Variants in ARHGAP40 observed in about 807,000 individuals in gnomAD.
The protein encoded by ARHGAP40 is rho GTPase-activating protein 40.
Under a neutral mutation model 73.5 loss-of-function variants are expected in ARHGAP40, and 43 were observed. The ratio of observed to expected loss-of-function variants is 0.58; its 90% CI spans 0.46 to 0.75. The LOEUF is 0.75. Ranked by LOEUF, ARHGAP40 falls within the 30% of genes least tolerant of loss-of-function variation. The probability of loss-of-function intolerance (pLI) is 0.00; values close to 1 mark genes in which losing one functional copy is unlikely to be tolerated. For missense variants in ARHGAP40, 734 were observed against 861.8 expected, an observed-to-expected ratio of 0.85 and a Z score of 1.86; for synonymous variants, 300 against 352.8, an observed-to-expected ratio of 0.85 and a Z score of 1.68.
chr20:38,637,349 A>G (rs2088981546), intron 6 of ARHGAP40, among the ~76,000 whole-genome samples: 1 of 152,072 alleles, frequency 6.6e-6, no homozygotes, highest in Non-Finnish European at 1.5e-5. Context: ...GGGTTTCGCC[A>G]TGTTGGCCAG....
chr20:38,648,317 G>C (rs901133880), intron 13 of ARHGAP40, among the ~76,000 whole-genome samples: 4 of 152,202 alleles, frequency 2.6e-5, no homozygotes, highest in Non-Finnish European at 4.4e-5. Context: ...CTCACAGCAG[G>C]CTCCTGTCCC....
rs538772862 is a variant in ARHGAP40 at position 38,643,023 on chromosome 20, C to T, written c.1363-681C>T. ...GGGTGTGATGGTGCACACTTGTAAT[C>T]CCAGCTACTTGGGAGGCTGAGGTGG... On this transcript the variant is annotated intron_variant, in intron 10 of 14. Coordinates refer to ENST00000373345, the Ensembl canonical transcript of ARHGAP40. 1.2e-3 allele frequency among the ~76,000 whole-genome samples: 184 copies of T among 152,156 alleles called. 1 individual carries two copies. The highest frequency in any genetic ancestry group is 4.3e-3 in the African/African-American group (178 of 41,512).
In ARHGAP40 at chr20:38,640,458, G is replaced by A. The variant is rs564701429; in HGVS notation, c.1279+1072G>A. The stretch of plus-strand genomic sequence containing the variant: ...GCTAGTGTCAAACTCCTGGCCTCAA[G>A]CGATCCTCCCACTTTGGCCTCCCAA... On this transcript the variant is annotated intron_variant, in intron 9 of 14. Coordinates refer to ENST00000373345, the Ensembl canonical transcript of ARHGAP40. 2.0e-4 allele frequency among the ~76,000 whole-genome samples: 31 copies of A among 152,202 alleles called. No individual in the cohort carries two copies. In the South Asian group the frequency reaches 2.1e-3, roughly 10 times the overall value.
At chr20:38,637,714 G>T in exon 7 of ARHGAP40, 1 of 1,305,176 alleles carries the variant, frequency 7.7e-7, no homozygotes, top group Non-Finnish European at 1.0e-6. Flanking sequence ...GCAGAAACTC[G>T]CCTCTTTGGT....
At chr20:38,639,960 T>C (rs1399487032) in intron 9 of ARHGAP40, among the ~76,000 whole-genome samples, 3 of 152,180 alleles carry the variant, frequency 2.0e-5, no homozygotes, top group Admixed American at 6.5e-5. Context: ...TCCCTGTCTC[T>C]CTGAATTCTC....
chr20:38,627,253 T>C (rs2088903902), intron 3 of ARHGAP40, 38 bp downstream of exon 3: 1 of 1,294,440 alleles, frequency 7.7e-7, no homozygotes, highest in African/African-American at 1.5e-5. Flanking sequence ...CCCGTCTGAC[T>C]GGGATCTCTG....
In ARHGAP40 at chr20:38,603,407, G is replaced by GTCTA. The variant is rs71330431; in HGVS notation, c.137+1382_137+1385dup. On this transcript the variant is annotated intron_variant, in intron 1 of 14. Transcript: ENST00000373345. Reference sequence around the variant, plus strand: ...AAGCCAAAGACAAGTTTGTTTATCTGTCTATCTATCTATCTATCTATCTAT... The same window carrying GTCTA: ...AAGCCAAAGACAAGTTTGTTTATCTGTCTATCTATCTATCTATCTATCTATCTAT... 6.3e-3 allele frequency among the ~76,000 whole-genome samples: 810 copies of GTCTA among 129,562 alleles called. 5 individuals are homozygous for GTCTA. The highest frequency in any genetic ancestry group is 0.01 in the African/African-American group (394 of 38,870). The allele number at this position is 129,562 out of a possible 152,430, so 85.0% of individuals were successfully genotyped here.
intron 1 of ARHGAP40, among the ~76,000 whole-genome samples, chr20:38,613,219 T>C (rs548118107): frequency 2.6e-5 from 4 of 152,186 alleles, no homozygotes; most frequent in Non-Finnish European, 5.9e-5. Flanking sequence ...CAGATGGAGA[T>C]TGGTAGATCC....
In ARHGAP40 at chr20:38,607,449, AC is replaced by A. The variant is rs146381704; in HGVS notation, c.137+5371del. Reference sequence around the variant, plus strand: ...TTGCAGGAAAAAGTCCTTGCAAACCACTTTCCTCCAGGGCTCTCCAGCAGGA... The same window carrying A: ...TTGCAGGAAAAAGTCCTTGCAAACCATTTCCTCCAGGGCTCTCCAGCAGGA... On this transcript the variant is annotated intron_variant, in intron 1 of 14. Transcript: ENST00000373345. 4.8e-3 allele frequency among the ~76,000 whole-genome samples: 734 copies of A among 152,204 alleles called. 7 individuals are homozygous for A. Among genetic ancestry groups the A allele is most frequent in the African/African-American group, 0.017 (698 of 41,524 alleles).
intron 2 of ARHGAP40, among the ~76,000 whole-genome samples, chr20:38,625,095 C>T (rs1386422941): frequency 3.9e-5 from 6 of 152,222 alleles, no homozygotes. Context: ...CAAAACAGAC[C>T]ACGTGGTGAT....
At chr20:38,623,504 A>G in exon 2 of ARHGAP40, 1 of 1,290,772 alleles carries the variant, frequency 7.7e-7, no homozygotes, top group Non-Finnish European at 1.0e-6. Flanking sequence ...GATCCAACAG[A>G]GAGATGAGCT....
intron 13 of ARHGAP40, among the ~76,000 whole-genome samples, chr20:38,647,379 G>GGTTT (rs952400098): frequency 5.0e-3 from 181 of 36,044 alleles, no homozygotes; most frequent in East Asian, 0.045. Flanking sequence ...TTTTTCTGTT[G>GGTTT]GTTTGTTTGT....
At chr20:38,614,930 G>T in intron 1 of ARHGAP40, 1 of 1,355,410 alleles carries the variant, frequency 7.4e-7, no homozygotes, top group Non-Finnish European at 1.1e-6. Flanking sequence ...TCCTGAGACT[G>T]AGTACTCTCC....
chr20:38,643,738 G>C, exon 11 of ARHGAP40: 1 of 1,305,824 alleles, frequency 7.7e-7, no homozygotes, highest in South Asian at 1.2e-5. Context: ...GTGGTGGCCC[G>C]GGAACAGCAC....
At chr20:38,630,081 TTTTTCTTTCTTTCTTTCTTTGTTTTTC>T (rs1205409997) in intron 5 of ARHGAP40, among the ~76,000 whole-genome samples, 2 of 87,576 alleles carry the variant, frequency 2.3e-5, no homozygotes, top group South Asian at 8.2e-4. Context: ...TCTTTCTTTC[TTTTTCTTTCTTTCTTTCTTTGTTTTTC>T]TTTTCTTTCT....
chr20:38,631,324 A>AAG (rs2088936935), intron 5 of ARHGAP40, among the ~76,000 whole-genome samples: 1 of 151,744 alleles, frequency 6.6e-6, no homozygotes, highest in South Asian at 2.1e-4. Flanking sequence ...AAAAAAAAAA[A>AAG]AGAGAAGTGG....
intron 6 of ARHGAP40, among the ~76,000 whole-genome samples, chr20:38,637,117 GAGC>G (rs907804887): frequency 5.9e-5 from 9 of 152,084 alleles, no homozygotes; most frequent in Non-Finnish European, 1.3e-4. Flanking sequence ...GTGCCTTCTG[GAGC>G]AGCAGCGTGC....
intron 1 of ARHGAP40, among the ~76,000 whole-genome samples, chr20:38,621,326 C>T (rs2088872201): frequency 6.6e-6 from 1 of 152,146 alleles, no homozygotes; most frequent in Non-Finnish European, 1.5e-5. Flanking sequence ...TACAAAGGAA[C>T]AAAGGTAACA....
At chr20:38,618,842 C>A (rs1395222794) in intron 1 of ARHGAP40, among the ~76,000 whole-genome samples, 1 of 152,146 alleles carries the variant, frequency 6.6e-6, no homozygotes, top group East Asian at 1.9e-4. Context: ...TCGACCTCTG[C>A]TGTGTCCTCT....
Sources: allele counts gnomAD v4.1 joint callset (sites outside exome capture counted in the v4.1 genomes callset), GRCh38; gene constraint gnomAD v4.1.1; transcripts MANE v1.5; gene names NCBI Gene and HGNC (gene_info 2026-07-23, HGNC 2026-07-21).